Variants in CTNNA3 observed in about 807,000 individuals in gnomAD.
The protein encoded by CTNNA3 is catenin alpha-3.
Under a neutral mutation model 95.7 loss-of-function variants are expected in CTNNA3, and 76 were observed. The observed-to-expected ratio is 0.79, with a 90% confidence interval of 0.66 to 0.96. CTNNA3 has a LOEUF of 0.96. Ranked by LOEUF, CTNNA3 falls within the 40% of genes least tolerant of loss-of-function variation. The pLI, the probability that CTNNA3 is intolerant of heterozygous loss-of-function variation, is 0.00. For synonymous variants in CTNNA3, 431 were observed against 374.4 expected, an observed-to-expected ratio of 1.15 and a Z score of -1.74; for missense variants, 1,191 against 1,089.8, an observed-to-expected ratio of 1.09 and a Z score of -1.31.
intron 9 of CTNNA3, among the ~76,000 whole-genome samples, chr10:66,739,062 A>G (rs1204760978): frequency 6.6e-6 from 1 of 152,184 alleles, no homozygotes; most frequent in African/African-American, 2.4e-5. Context: ...TAGACCTGGG[A>G]TTATCACTAA....
At chr10:66,123,769 G>T (rs996788333) in intron 13 of CTNNA3, among the ~76,000 whole-genome samples, 3 of 152,154 alleles carry the variant, frequency 2.0e-5, no homozygotes, top group African/African-American at 7.2e-5. Context: ...AGCTGACAAG[G>T]CTTGAGGCTT....
chr10:67,507,412 C>T (rs1839461365), intron 5 of CTNNA3, among the ~76,000 whole-genome samples: 1 of 151,974 alleles, frequency 6.6e-6, no homozygotes, highest in African/African-American at 2.4e-5. Context: ...CCTGTAATCC[C>T]AGCTACTCAG....
chr10:66,155,646 T>C (rs945917532), intron 13 of CTNNA3, among the ~76,000 whole-genome samples: 5 of 151,774 alleles, frequency 3.3e-5, no homozygotes, highest in Non-Finnish European at 7.4e-5. Flanking sequence ...AGTGGATATA[T>C]GTATGAGAAA....
At chr10:67,745,797 G>T (rs1048319683) in intron 1 of CTNNA3, among the ~76,000 whole-genome samples, 20 of 151,808 alleles carry the variant, frequency 1.3e-4, no homozygotes, top group African/African-American at 4.8e-4. Context: ...ATCTGAAAAA[G>T]AAATTAAGAA....
At chr10:66,963,628 A>AAAAAT (rs1269651171) in intron 7 of CTNNA3, among the ~76,000 whole-genome samples, 4 of 152,120 alleles carry the variant, frequency 2.6e-5, no homozygotes, top group Non-Finnish European at 4.4e-5. Context: ...CAGTTCCCAC[A>AAAAAT]AAAATGATAT....
In CTNNA3 at chr10:67,738,614, G is replaced by C. The variant is rs192445497; in HGVS notation, c.-2+24820C>G. Among the ~76,000 whole-genome samples, 40 of 152,066 alleles carry C rather than the reference G, an allele frequency of 2.6e-4. 1 individual carries two copies. The East Asian group carries it at 7.6e-3, about 29-fold the overall frequency. On this transcript the variant is annotated intron_variant, in intron 1 of 17. Transcript: ENST00000684154. ...GAATGACTTTGATGAGTTGAGAGAA[G>C]AAGGCTTCAGATGATCAAACTACTC... is the stretch of plus-strand genomic sequence containing the variant.
chr10:67,562,470 G>A (rs904748557), intron 3 of CTNNA3, among the ~76,000 whole-genome samples: 1 of 152,044 alleles, frequency 6.6e-6, no homozygotes, highest in African/African-American at 2.4e-5. Flanking sequence ...AATAAATTAA[G>A]TATTGATGGG....
At position 66,121,959 on chromosome 10, in the gene CTNNA3, C is replaced by A. The variant is rs565614185; in HGVS notation, c.1885-18710G>T. 4.7e-4 allele frequency among the ~76,000 whole-genome samples: 71 copies of A among 152,198 alleles called. 2 individuals carry two copies. In the South Asian group the frequency reaches 7.3e-3, roughly 16 times the overall value. ...GTTTCCTTCCAATTACAAATTAAAA[C>A]ATATTGCTATGGTTTTGTTATAAAT... On this transcript the variant is annotated intron_variant, in intron 13 of 17. Coordinates refer to ENST00000433211, the MANE Select transcript of CTNNA3 (RefSeq NM_013266.4).
chr10:67,132,495 G>A (rs894570092), intron 7 of CTNNA3, among the ~76,000 whole-genome samples: 9 of 152,130 alleles, frequency 5.9e-5, no homozygotes, highest in African/African-American at 1.9e-4. Flanking sequence ...ACAAGAAATC[G>A]AGGAGATGTA....
intron 13 of CTNNA3, among the ~76,000 whole-genome samples, chr10:66,204,413 C>T (rs532591363): frequency 7.2e-5 from 11 of 152,072 alleles, no homozygotes; most frequent in Admixed American, 1.3e-4. Context: ...CTTTATTTTA[C>T]AGATTAAAGA....
chr10:66,531,847 C>A (rs1332015242), intron 10 of CTNNA3, among the ~76,000 whole-genome samples: 1 of 151,780 alleles, frequency 6.6e-6, no homozygotes, highest in African/African-American at 2.4e-5. Flanking sequence ...CTTTAACTGG[C>A]AATGATGAAA....
chr10:67,182,590 A>G (rs1014149741), intron 6 of CTNNA3, among the ~76,000 whole-genome samples: 1 of 152,106 alleles, frequency 6.6e-6, no homozygotes, highest in Non-Finnish European at 1.5e-5. Flanking sequence ...AAACCCTAGA[A>G]GAAAACCTAG....
At chr10:66,189,759 T>C (rs1175035280) in intron 13 of CTNNA3, among the ~76,000 whole-genome samples, 1 of 151,742 alleles carries the variant, frequency 6.6e-6, no homozygotes, top group Non-Finnish European at 1.5e-5. Context: ...TATTTAGGTA[T>C]ATGTTACCTT....
intron 11 of CTNNA3, among the ~76,000 whole-genome samples, chr10:66,381,524 C>T (rs1356894209): frequency 6.6e-6 from 1 of 151,992 alleles, no homozygotes; most frequent in East Asian, 1.9e-4. Flanking sequence ...TGTTATAATA[C>T]TTGGCACTTG....
intron 7 of CTNNA3, among the ~76,000 whole-genome samples, chr10:66,922,491 T>G (rs191502854): frequency 2.0e-5 from 3 of 152,288 alleles, no homozygotes; most frequent in African/African-American, 7.2e-5. Flanking sequence ...AGAATCACAT[T>G]ATTTTGTTTT....
At chr10:67,220,021 C>A in intron 5 of CTNNA3, 151 bp from the exon 6 acceptor site, 1 of 633,704 alleles carries the variant, frequency 1.6e-6, no homozygotes, top group South Asian at 2.5e-5. Flanking sequence ...TCTATTATTT[C>A]TACATTCTTT....
intron 7 of CTNNA3, among the ~76,000 whole-genome samples, chr10:67,105,290 A>C (rs1467511897): frequency 6.9e-6 from 1 of 145,096 alleles, no homozygotes; most frequent in Admixed American, 6.8e-5. Context: ...GAGACTATTA[A>C]GAATAAAAAT....
intron 13 of CTNNA3, among the ~76,000 whole-genome samples, chr10:66,269,987 T>C (rs2091241770): frequency 6.6e-6 from 1 of 152,174 alleles, no homozygotes; most frequent in Non-Finnish European, 1.5e-5. Context: ...TTAGTACACA[T>C]CCTTGGAACT....
intron 7 of CTNNA3, among the ~76,000 whole-genome samples, chr10:67,021,875 T>C (rs1443752425): frequency 6.6e-6 from 1 of 152,048 alleles, no homozygotes; most frequent in African/African-American, 2.4e-5. Context: ...TACTAGGAGT[T>C]TGAAGGGATG....
Sources: gnomAD v4.1 joint callset for allele counts (sites outside exome capture counted in the v4.1 genomes callset) on GRCh38, gnomAD v4.1.1 for gene constraint, MANE v1.5 for transcripts, NCBI Gene and HGNC (gene_info 2026-07-23, HGNC 2026-07-21) for gene names.